Variants in MYO5B observed in about 807,000 individuals in gnomAD.
MYO5B encodes unconventional myosin-Vb.
MYO5B carries 143 observed loss-of-function variants against 229.3 expected under a neutral mutation model. The ratio of observed to expected loss-of-function variants is 0.62; its 90% confidence interval spans 0.54 to 0.72. The LOEUF is 0.72. MYO5B is among the 30% of genes least tolerant of loss of function. MYO5B has a pLI of 0.00. For synonymous variants in MYO5B, 918 were observed against 885.2 expected (o/e 1.04, Z -0.66); for missense variants, 2,321 against 2,331.0 (o/e 1.00, Z 0.09).
rs376577857 is a variant in MYO5B, at chr18:49,879,105, G to A, written c.3131-15C>T. 2.7e-5 allele frequency: 44 copies of A among 1,613,994 alleles called. No homozygotes were observed. Among genetic ancestry groups the A allele is most frequent in the African/African-American group, 1.5e-4 (11 of 74,902 alleles). ...GGCAAATTCATCTGGAAAGCAACACGCTAAGCTGCAGTTTTTCTGGATGGA... is the reference window on the plus strand; with the variant it reads ...GGCAAATTCATCTGGAAAGCAACACACTAAGCTGCAGTTTTTCTGGATGGA... On this transcript the variant is annotated splice_polypyrimidine_tract_variant and intron_variant, in intron 23 of 39. Transcript: ENST00000285039.
intron 12 of MYO5B, among the ~76,000 whole-genome samples, chr18:49,954,804 A>G (rs1212043819): frequency 2.6e-5 from 4 of 152,152 alleles, no homozygotes; most frequent in African/African-American, 9.7e-5. Flanking sequence ...CAGCATCACA[A>G]AACACATCCA....
At chr18:49,885,662 G>GC (rs2024634191) in intron 22 of MYO5B, among the ~76,000 whole-genome samples, 1 of 152,180 alleles carries the variant, frequency 6.6e-6, no homozygotes, top group Non-Finnish European at 1.5e-5. Context: ...CAAGAGGTGA[G>GC]TTAATAAGGG....
chr18:49,889,430 G>A (rs1013801997), intron 22 of MYO5B, among the ~76,000 whole-genome samples: 2 of 152,212 alleles, frequency 1.3e-5, no homozygotes, highest in African/African-American at 4.8e-5. Context: ...ATAAAGCCTA[G>A]GGTGGTGCAA....
chr18:49,826,409 T>A lies in MYO5B; in HGVS notation c.*62A>T. 6.3e-7 allele frequency: 1 copy of A among 1,584,226 alleles called. No individual in the cohort carries two copies. The highest frequency in any genetic ancestry group is 8.6e-7 in the Non-Finnish European group (1 of 1,156,236). On this transcript the variant is annotated 3_prime_UTR_variant, in exon 40 of 40. Transcript: ENST00000285039. Reference sequence around the variant, plus strand: ...ATTTAACAGATCCTTGAATTTACTTTACTGTATATACTTCCTTCTTGCTCA... The same window carrying A: ...ATTTAACAGATCCTTGAATTTACTTAACTGTATATACTTCCTTCTTGCTCA...
At chr18:49,874,461 G>A (rs2024493052) in intron 26 of MYO5B, among the ~76,000 whole-genome samples, 1 of 152,210 alleles carries the variant, frequency 6.6e-6, no homozygotes, top group Non-Finnish European at 1.5e-5. Flanking sequence ...GAGTCATTTA[G>A]AAACCTAATC....
intron 27 of MYO5B, among the ~76,000 whole-genome samples, chr18:49,867,167 G>A (rs1183975192): frequency 2.0e-5 from 3 of 152,212 alleles, no homozygotes; most frequent in South Asian, 2.1e-4. Context: ...CACCTGGCTG[G>A]AGTATAACGT....
chr18:50,122,067 T>G (rs985813776), intron 1 of MYO5B, among the ~76,000 whole-genome samples: 1 of 152,194 alleles, frequency 6.6e-6, no homozygotes, highest in Admixed American at 6.5e-5. Context: ...CCATGCAACC[T>G]CAAGTGCATA....
chr18:50,146,156 C>T (rs575008012), intron 1 of MYO5B, among the ~76,000 whole-genome samples: 1 of 152,206 alleles, frequency 6.6e-6, no homozygotes, highest in Non-Finnish European at 1.5e-5. Flanking sequence ...CTCAGTCTAA[C>T]CCCTAGCAGG....
At chr18:50,116,008 G>A (rs2031956118) in intron 1 of MYO5B, among the ~76,000 whole-genome samples, 1 of 152,134 alleles carries the variant, frequency 6.6e-6, no homozygotes, top group Admixed American at 6.5e-5. Context: ...TCCCTAGCCT[G>A]TTACCTTTCC....
intron 4 of MYO5B, among the ~76,000 whole-genome samples, chr18:50,014,516 GGGTGA>G (rs1226974834): frequency 8.5e-5 from 13 of 152,286 alleles, no homozygotes; most frequent in Admixed American, 3.9e-4. Flanking sequence ...CCATCAGATT[GGGTGA>G]GATACAGCCT....
chr18:49,880,721 T>C lies in MYO5B; in HGVS notation c.3046-266A>G, dbSNP rs563140405. 3.5e-3 allele frequency among the ~76,000 whole-genome samples: 534 copies of C among 152,328 alleles called. 4 individuals carry two copies. Among genetic ancestry groups the C allele is most frequent in the African/African-American group, 0.011 (466 of 41,570 alleles). On this transcript the variant is annotated intron_variant, in intron 22 of 39. Coordinates refer to ENST00000285039, the MANE Select transcript of MYO5B (RefSeq NM_001080467.3). ...GTCTATCACAAGCTCACATGCCTTG[T>C]TGAGGAACTTGCAAAGATAACAGGC...
At chr18:49,851,012 A>C (rs545892827) in intron 31 of MYO5B, 1 of 152,352 alleles carries the variant, frequency 6.6e-6, no homozygotes, top group East Asian at 1.9e-4. Flanking sequence ...TCCTCTGTAC[A>C]ATATTATCAA....
At chr18:50,150,545 A>C (rs1401048606) in intron 1 of MYO5B, among the ~76,000 whole-genome samples, 2 of 151,246 alleles carry the variant, frequency 1.3e-5, no homozygotes, top group African/African-American at 2.4e-5. Flanking sequence ...GACATGGATG[A>C]AATTGGAAAT....
chr18:49,962,217 T>C (rs759698263), intron 12 of MYO5B, 49 bp downstream of exon 12: 1 of 1,607,422 alleles, frequency 6.2e-7, no homozygotes, highest in Non-Finnish European at 8.5e-7. Flanking sequence ...GATTTCCTTG[T>C]ATCACATCCC....
chr18:50,058,774 G>A (rs952542128), intron 1 of MYO5B, among the ~76,000 whole-genome samples: 1 of 152,130 alleles, frequency 6.6e-6, no homozygotes, highest in African/African-American at 2.4e-5. Context: ...TTGTACCACT[G>A]CACTCCAGCC....
intron 10 of MYO5B, among the ~76,000 whole-genome samples, chr18:49,969,236 A>G (rs975051713): frequency 7.9e-5 from 12 of 152,180 alleles, no homozygotes; most frequent in African/African-American, 2.9e-4. Flanking sequence ...AAACCTTTCG[A>G]TACTGGCTAG....
intron 1 of MYO5B, among the ~76,000 whole-genome samples, chr18:50,123,258 A>AT (rs2032100727): frequency 6.6e-6 from 1 of 152,218 alleles, no homozygotes; most frequent in Admixed American, 6.5e-5. Flanking sequence ...CAGAAAGCAG[A>AT]TTAGTGGCTA....
chr18:50,012,089 T>A (rs2026167999), intron 4 of MYO5B, among the ~76,000 whole-genome samples: 1 of 152,174 alleles, frequency 6.6e-6, no homozygotes, highest in Non-Finnish European at 1.5e-5. Context: ...GGAAACTACT[T>A]CTGCTGGATC....
intron 12 of MYO5B, among the ~76,000 whole-genome samples, chr18:49,958,665 G>A (rs938162513): frequency 6.6e-6 from 1 of 152,100 alleles, no homozygotes; most frequent in African/African-American, 2.4e-5. Context: ...TCACAGCCAA[G>A]CCTCCAAGAG....
Sources: gnomAD v4.1 joint callset for allele counts (sites outside exome capture counted in the v4.1 genomes callset) on GRCh38, gnomAD v4.1.1 for gene constraint, MANE v1.5 for transcripts, NCBI Gene and HGNC (gene_info 2026-07-23, HGNC 2026-07-21) for gene names.